The following TSG101 variants were observed in gnomAD, a reference collection of about 807,000 sequenced individuals.
The protein encoded by TSG101 is tumor susceptibility gene 101 protein.
TSG101 carries 19 observed loss-of-function variants against 48.5 expected under a neutral mutation model. The ratio of observed to expected loss-of-function variants is 0.39; its 90% CI spans 0.27 to 0.58. TSG101 has a LOEUF of 0.58. Among genes scored for constraint, TSG101 ranks in the 20% least tolerant of loss-of-function variants. The pLI, the probability that TSG101 is intolerant of heterozygous loss-of-function variation, is 0.55. For missense variants in TSG101, 365 were observed against 484.4 expected, an observed-to-expected ratio of 0.75 and a Z score of 2.31; for synonymous variants, 174 against 169.4, an observed-to-expected ratio of 1.03 and a Z score of -0.21.
chr11:18,501,617 A>G (rs1009105970), intron 7 of TSG101, among the ~76,000 whole-genome samples: 2 of 152,158 alleles, frequency 1.3e-5, no homozygotes, highest in East Asian at 1.9e-4. Context: ...TTCCATATAC[A>G]TTTTATGATA....
At chr11:18,497,652 A>C (rs904340003) in intron 7 of TSG101, among the ~76,000 whole-genome samples, 1 of 152,228 alleles carries the variant, frequency 6.6e-6, no homozygotes, top group Non-Finnish European at 1.5e-5. Flanking sequence ...CTATTATTTC[A>C]ATGAGAAACA....
intron 2 of TSG101, among the ~76,000 whole-genome samples, chr11:18,517,376 T>C (rs1217037047): frequency 6.6e-6 from 1 of 152,260 alleles, no homozygotes; most frequent in Admixed American, 6.5e-5. Flanking sequence ...CTATAATTTA[T>C]GTCTATAATT....
At chr11:18,493,216 TC>T (rs1390715576) in intron 7 of TSG101, among the ~76,000 whole-genome samples, 1 of 152,216 alleles carries the variant, frequency 6.6e-6, no homozygotes, top group African/African-American at 2.4e-5. Flanking sequence ...GGATCTGATC[TC>T]CAAACTTAAT....
At chr11:18,525,598 T>TGTAA (rs1850358910) in intron 1 of TSG101, 1 of 665,578 alleles carries the variant, frequency 1.5e-6, no homozygotes, top group African/African-American at 2.0e-5. Flanking sequence ...TTACATACTA[T>TGTAA]GTAAAACAAT....
intron 7 of TSG101, chr11:18,490,862 G>T: frequency 1.9e-6 from 1 of 529,028 alleles, no homozygotes; most frequent in Non-Finnish European, 3.8e-6. Context: ...TTCATGCCTC[G>T]TTCTGTGACT....
At chr11:18,502,456 G>A (rs188328054) in intron 7 of TSG101, 30 bp downstream of exon 7, 34 of 1,574,610 alleles carry the variant, frequency 2.2e-5, no homozygotes, top group Admixed American at 1.9e-4. Flanking sequence ...TTGCTTATAT[G>A]GTGAAACACA....
intron 7 of TSG101, among the ~76,000 whole-genome samples, chr11:18,499,873 A>G (rs1849861333): frequency 6.6e-6 from 1 of 152,138 alleles, no homozygotes; most frequent in African/African-American, 2.4e-5. Context: ...TAAGTCTTCT[A>G]GCTATTCTGA....
At chr11:18,493,418 G>A (rs549430744) in intron 7 of TSG101, among the ~76,000 whole-genome samples, 21 of 152,196 alleles carry the variant, frequency 1.4e-4, no homozygotes, top group South Asian at 6.2e-4. Flanking sequence ...ATTTACAAAC[G>A]ATCACTACTT....
In TSG101 at chr11:18,509,591, A is replaced by G. The variant is rs1311100763; in HGVS notation, c.432T>C (p.Arg144=). The change falls in exon 5 of 10, where the codon CGT becomes CGC. Residue 144 remains arginine, a synonymous_variant. Transcript: ENST00000251968. ...ATGGCGGATAGGATGCCGAAATAGG[A>G]CGAGAGAAGACTGGAGGTTCATCTC... The part of the protein sequence containing the change: ...VFGDEPPVFS[R]PISASYPPYQ... 11 of 1,613,914 alleles carry G rather than the reference A, an allele frequency of 6.8e-6. No individual in the cohort carries two copies. Among genetic ancestry groups the G allele is most frequent in the Non-Finnish European group, 9.3e-6 (11 of 1,179,902 alleles).
intron 7 of TSG101, chr11:18,490,985 G>C: frequency 4.4e-6 from 1 of 228,774 alleles, no homozygotes; most frequent in South Asian, 9.0e-5. Flanking sequence ...CAGGGGACGA[G>C]GATGCTTCTG....
intron 7 of TSG101, among the ~76,000 whole-genome samples, chr11:18,494,974 T>A (rs1354924800): frequency 6.6e-6 from 1 of 152,360 alleles, no homozygotes; most frequent in South Asian, 2.1e-4. Flanking sequence ...ATATTCAGTA[T>A]GGACTAAAGA....
intron 7 of TSG101, among the ~76,000 whole-genome samples, chr11:18,492,242 C>T (rs1013803563): frequency 6.6e-6 from 1 of 152,190 alleles, no homozygotes; most frequent in Non-Finnish European, 1.5e-5. Context: ...GAAAATCCTT[C>T]TCCCATAGAT....
chr11:18,514,775 C>T lies in TSG101; in HGVS notation c.260G>A (p.Cys87Tyr). Residue 87 changes from cysteine to tyrosine, a missense_variant, in exon 4 of 10, where the codon TGT becomes TAT. Transcript: ENST00000251968. ...CATTGAACTAGTAGGCTTAACAAAA[C>T]AGATAGGGGGATTATATGGGTATGT... The part of the protein sequence containing the change: ...LDTYPYNPPI[C>Y]FVKPTSSMTI... 6.3e-7 allele frequency: 1 copy of T among 1,598,284 alleles called. No homozygotes were observed. The highest frequency in any genetic ancestry group is 8.5e-7 in the Non-Finnish European group (1 of 1,174,714).
intron 7 of TSG101, among the ~76,000 whole-genome samples, chr11:18,500,139 T>C (rs1174325985): frequency 3.9e-5 from 6 of 152,220 alleles, no homozygotes; most frequent in Admixed American, 1.3e-4. Flanking sequence ...ATTCCATCCA[T>C]GTTGCTACAA....
intron 7 of TSG101, among the ~76,000 whole-genome samples, chr11:18,491,535 T>C (rs1367625587): frequency 6.6e-6 from 1 of 152,202 alleles, no homozygotes; most frequent in Non-Finnish European, 1.5e-5. Flanking sequence ...ACTAGAAGCT[T>C]TGCACTTGAA....
At chr11:18,516,004 T>A (rs1453233442) in intron 3 of TSG101, 95 bp downstream of exon 3, 2 of 1,097,908 alleles carry the variant, frequency 1.8e-6, no homozygotes, top group African/African-American at 3.1e-5. Flanking sequence ...ATCAAAGCCC[T>A]GAGAAAGTAG....
Position 18,514,607 on chromosome 11 carries a change from AAAAG to A in TSG101, c.357+67_357+70del, listed in dbSNP as rs144017737. The A allele has an allele frequency of 1.3e-3, 1,699 of 1,332,890 alleles. 13 individuals carry two copies. The highest frequency in any genetic ancestry group is 9.6e-3 in the South Asian group (552 of 57,682). The allele number at this position is 1,332,890 out of a possible 1,614,324, so 82.6% of individuals were successfully genotyped here. A position where few individuals can be genotyped will look rare whatever the true frequency, so the allele number is the denominator to read the frequency against. Reference sequence around the variant, plus strand: ...CTACCTCGAATCCTCCTTGAGTGCTAAAAGAAAGCAGATGCTAGTGAGCAAAATA... The same window carrying A: ...CTACCTCGAATCCTCCTTGAGTGCTAAAAGCAGATGCTAGTGAGCAAAATA... On this transcript the variant is annotated intron_variant, in intron 4 of 9. Coordinates refer to ENST00000251968, the MANE Select transcript of TSG101 (RefSeq NM_006292.4).
At chr11:18,481,359 A>T (rs1849536524) in intron 9 of TSG101, 1 of 1,178,296 alleles carries the variant, frequency 8.5e-7, no homozygotes, top group South Asian at 2.9e-5. Flanking sequence ...CTCCTGATCC[A>T]CCCAGGCACA....
intron 4 of TSG101, among the ~76,000 whole-genome samples, chr11:18,512,975 G>A (rs11024693): frequency 0.11 from 17,364 of 151,714 alleles, 1,238 homozygotes; most frequent in South Asian, 0.24. Context: ...TGATCCTCCC[G>A]CCTCAGCCTC....
Sources: gnomAD v4.1 joint callset for allele counts (sites outside exome capture counted in the v4.1 genomes callset) on GRCh38, gnomAD v4.1.1 for gene constraint, MANE v1.5 for transcripts, NCBI Gene and HGNC (gene_info 2026-07-23, HGNC 2026-07-21) for gene names.